Variants in MATCAP2 observed in about 807,000 individuals in gnomAD.
MATCAP2 encodes microtubule associated tyrosine carboxypeptidase 2.
the MATCAP2 span, chr7:36,366,768 C>T: frequency 5.9e-6 from 9 of 1,534,636 alleles, no homozygotes; most frequent in South Asian, 1.1e-4. Flanking sequence ...TTTTCGCGAG[C>T]GCCTCCTGCG....
the MATCAP2 span, among the ~76,000 whole-genome samples, chr7:36,327,574 T>C: frequency 7.9e-5 from 12 of 152,206 alleles, no homozygotes; most frequent in Admixed American, 7.2e-4. Flanking sequence ...TCTGGCTAAA[T>C]CGAAATAAAA....
the MATCAP2 span, among the ~76,000 whole-genome samples, chr7:36,334,411 T>C: frequency 2.0e-4 from 30 of 151,778 alleles, no homozygotes; most frequent in East Asian, 4.7e-3. Context: ...GGTGTGCACC[T>C]GGGGTCCCAG....
chr7:36,369,191 G>C, the MATCAP2 span, among the ~76,000 whole-genome samples: 1 of 152,118 alleles, frequency 6.6e-6, no homozygotes. Flanking sequence ...TAATGAATAA[G>C]TAGACAACAG....
chr7:36,351,514 C>G, the MATCAP2 span, among the ~76,000 whole-genome samples: 2 of 152,250 alleles, frequency 1.3e-5, no homozygotes, highest in South Asian at 4.1e-4. Flanking sequence ...GAATCACAGT[C>G]CTTTCCTTTT....
the MATCAP2 span, chr7:36,357,348 G>A: frequency 6.2e-7 from 1 of 1,613,516 alleles, no homozygotes; most frequent in East Asian, 2.2e-5. Context: ...GAAGTGTTAG[G>A]AGATTTGCTG....
the MATCAP2 span, chr7:36,390,085 T>A: frequency 1.2e-6 from 2 of 1,612,656 alleles, no homozygotes; most frequent in East Asian, 4.5e-5. Context: ...GACCCACCGC[T>A]CTAGGCCCCC....
the MATCAP2 span, among the ~76,000 whole-genome samples, chr7:36,327,575 C>T: frequency 0.021 from 3,125 of 152,176 alleles, 50 homozygotes; most frequent in Middle Eastern, 0.051. Flanking sequence ...CTGGCTAAAT[C>T]GAAATAAAAG....
the MATCAP2 span, among the ~76,000 whole-genome samples, chr7:36,360,467 T>C: frequency 3.9e-5 from 6 of 152,196 alleles, no homozygotes; most frequent in Admixed American, 3.9e-4. Flanking sequence ...ACGAGTCCTT[T>C]TGAAGCTCCA....
At chr7:36,334,650 T>A in the MATCAP2 span, among the ~76,000 whole-genome samples, 1 of 148,012 alleles carries the variant, frequency 6.8e-6, no homozygotes, top group African/African-American at 2.5e-5. Context: ...TGTGAAGGAG[T>A]ACACTGCCTT....
chr7:36,346,824 G>T, the MATCAP2 span, among the ~76,000 whole-genome samples: 1 of 152,128 alleles, frequency 6.6e-6, no homozygotes, highest in Admixed American at 6.5e-5. Flanking sequence ...GCAGTGGCAC[G>T]ATCTTGGCTT....
chr7:36,365,114 ACT>A, the MATCAP2 span, among the ~76,000 whole-genome samples: 2 of 152,152 alleles, frequency 1.3e-5, no homozygotes, highest in African/African-American at 2.4e-5. Flanking sequence ...TCAAGAGATC[ACT>A]CTGCATGACT....
At chr7:36,369,697 T>A in the MATCAP2 span, among the ~76,000 whole-genome samples, 3 of 152,170 alleles carry the variant, frequency 2.0e-5, no homozygotes, top group African/African-American at 7.2e-5. Flanking sequence ...TTGGAGTACA[T>A]AACAAAAGAT....
the MATCAP2 span, among the ~76,000 whole-genome samples, chr7:36,370,344 T>C: frequency 6.6e-6 from 1 of 152,222 alleles, no homozygotes; most frequent in Admixed American, 6.5e-5. Context: ...CTTTCCTTTA[T>C]ACCTGTTTCT....
At chr7:36,352,982 G>A in the MATCAP2 span, among the ~76,000 whole-genome samples, 1 of 151,954 alleles carries the variant, frequency 6.6e-6, no homozygotes, top group African/African-American at 2.4e-5. Context: ...CCCTCAAGAT[G>A]CTACAGGTCA....
At chr7:36,356,766 C>T in the MATCAP2 span, 537 of 755,998 alleles carry the variant, frequency 7.1e-4, 2 homozygotes, top group Non-Finnish European at 7.9e-4. Flanking sequence ...CGCACATTTA[C>T]ATGTCCTGAG....
the MATCAP2 span, among the ~76,000 whole-genome samples, chr7:36,377,767 T>G: frequency 6.6e-6 from 1 of 152,234 alleles, no homozygotes; most frequent in Admixed American, 6.5e-5. Flanking sequence ...TTTTTCCACA[T>G]AGTCCCATAT....
the MATCAP2 span, chr7:36,389,820 C>A: frequency 5.3e-6 from 5 of 939,830 alleles, no homozygotes; most frequent in Non-Finnish European, 7.9e-6. Flanking sequence ...CGCATGCTCG[C>A]GGCTCGGCGC....
At chr7:36,325,968 G>T in the MATCAP2 span, 3 of 151,822 alleles carry the variant, frequency 2.0e-5, no homozygotes, top group African/African-American at 7.2e-5. Flanking sequence ...CATAAAAAAG[G>T]TGAGTAGCCC....
the MATCAP2 span, chr7:36,357,081 C>A: frequency 1.2e-6 from 2 of 1,614,174 alleles, no homozygotes; most frequent in East Asian, 4.5e-5. Flanking sequence ...CCAGAAAAGT[C>A]ATCTCCCTTT....
Sources: gnomAD v4.1 joint callset for allele counts (sites outside exome capture counted in the v4.1 genomes callset) on GRCh38, gnomAD v4.1.1 for gene constraint, MANE v1.5 for transcripts, NCBI Gene and HGNC (gene_info 2026-07-23, HGNC 2026-07-21) for gene names.